CCDC85C: variants seen among roughly 807,000 people sequenced by gnomAD.
The protein encoded by CCDC85C is coiled-coil domain-containing protein 85C.
CCDC85C carries 18 observed loss-of-function variants against 38.3 expected under a neutral mutation model. The observed-to-expected ratio is 0.47, with a 90% CI of 0.33 to 0.70. The LOEUF (loss-of-function observed/expected upper bound fraction) is 0.70. Among genes scored for constraint, CCDC85C ranks in the 30% least tolerant of loss-of-function variants. The pLI, the probability that CCDC85C is intolerant of heterozygous loss-of-function variation, is 0.03. For missense variants in CCDC85C, 566 were observed against 621.2 expected (o/e 0.91, Z 0.94); for synonymous variants, 264 against 293.8 (o/e 0.90, Z 1.04).
At chr14:99,575,918 A>G (rs1898465699) in intron 1 of CCDC85C, among the ~76,000 whole-genome samples, 1 of 152,196 alleles carries the variant, frequency 6.6e-6, no homozygotes, top group South Asian at 2.1e-4. Flanking sequence ...GGTAGACATC[A>G]GGAATCCAAA....
intron 1 of CCDC85C, among the ~76,000 whole-genome samples, chr14:99,592,529 C>T (rs1323083189): frequency 1.3e-5 from 2 of 152,090 alleles, no homozygotes; most frequent in Non-Finnish European, 2.9e-5. Flanking sequence ...GTGACCAGCA[C>T]ACCACCCCAT....
chr14:99,596,141 T>C (rs759146182), intron 1 of CCDC85C, among the ~76,000 whole-genome samples: 1 of 152,212 alleles, frequency 6.6e-6, no homozygotes, highest in African/African-American at 2.4e-5. Context: ...CTCAGGGGTT[T>C]CCGGCTCTCC....
intron 1 of CCDC85C, among the ~76,000 whole-genome samples, chr14:99,553,229 A>G (rs12372863): frequency 0.15 from 22,401 of 152,256 alleles, 2,060 homozygotes; most frequent in Non-Finnish European, 0.22. Flanking sequence ...CAGAACACCC[A>G]GGCCAGAGCC....
rs900332613 is a variant in CCDC85C at position 99,511,524 on chromosome 14, T to C, written c.*3722A>G. 2 of 152,596 alleles carry C rather than the reference T, an allele frequency of 1.3e-5. No homozygotes were observed. Among genetic ancestry groups the C allele is most frequent in the African/African-American group, 4.8e-5 (2 of 41,470 alleles). 9.5% of individuals were successfully genotyped at this position (152,596 alleles called of 1,614,324 possible). Reference sequence around the variant, plus strand: ...AAGCAGTTCTGAAACTATCCCTTTCTTTGTTATGGGTGGAAGGTGGGGCTC... The same window carrying C: ...AAGCAGTTCTGAAACTATCCCTTTCCTTGTTATGGGTGGAAGGTGGGGCTC... On this transcript the variant is annotated 3_prime_UTR_variant, in exon 6 of 6. Transcript: ENST00000380243.
At chr14:99,589,276 A>G (rs1241159363) in intron 1 of CCDC85C, among the ~76,000 whole-genome samples, 1 of 152,126 alleles carries the variant, frequency 6.6e-6, no homozygotes, top group Non-Finnish European at 1.5e-5. Context: ...CAGATCCGCC[A>G]GACAACAGAC....
intron 1 of CCDC85C, among the ~76,000 whole-genome samples, chr14:99,540,996 G>C (rs1897701939): frequency 6.6e-6 from 1 of 152,284 alleles, no homozygotes; most frequent in Admixed American, 6.5e-5. Flanking sequence ...CCCCCTCCTG[G>C]CCTGGTTTTC....
intron 1 of CCDC85C, among the ~76,000 whole-genome samples, chr14:99,594,686 C>G (rs2055124358): frequency 6.6e-6 from 1 of 152,138 alleles, no homozygotes; most frequent in Non-Finnish European, 1.5e-5. Flanking sequence ...AGATGAGGGT[C>G]CCTGGGACTC....
intron 1 of CCDC85C, among the ~76,000 whole-genome samples, chr14:99,549,642 T>C: frequency 6.6e-6 from 1 of 152,148 alleles, no homozygotes; most frequent in East Asian, 1.9e-4. Context: ...CGAGACACTG[T>C]CCCCGAAATT....
At chr14:99,517,424 G>A (rs371308147) in intron 3 of CCDC85C, among the ~76,000 whole-genome samples, 1 of 152,164 alleles carries the variant, frequency 6.6e-6, no homozygotes, top group Non-Finnish European at 1.5e-5. Flanking sequence ...AGAGGCAAGA[G>A]GGGCAGTCCA....
At chr14:99,553,956 C>A (rs533547273) in intron 1 of CCDC85C, among the ~76,000 whole-genome samples, 2 of 152,288 alleles carry the variant, frequency 1.3e-5, no homozygotes, top group South Asian at 4.2e-4. Flanking sequence ...CTCTCCCATC[C>A]CAGGAAGCCA....
chr14:99,578,979 T>C (rs916517877), intron 1 of CCDC85C, among the ~76,000 whole-genome samples: 5 of 151,968 alleles, frequency 3.3e-5, no homozygotes, highest in Admixed American at 3.3e-4. Flanking sequence ...TGGAGGAGGG[T>C]GCTCTCTTAC....
intron 2 of CCDC85C, among the ~76,000 whole-genome samples, chr14:99,531,114 G>C (rs779881133): frequency 6.6e-6 from 1 of 152,148 alleles, no homozygotes; most frequent in African/African-American, 2.4e-5. Context: ...CCTTTGGTAC[G>C]TGGCAGGCCA....
At chr14:99,546,062 G>C (rs544430667) in intron 1 of CCDC85C, among the ~76,000 whole-genome samples, 8 of 152,172 alleles carry the variant, frequency 5.3e-5, no homozygotes, top group South Asian at 4.1e-4. Context: ...CTGCATGGGG[G>C]GGGGGAATAA....
chr14:99,569,930 C>T lies in CCDC85C; in HGVS notation c.793+33237G>A, dbSNP rs1898301701. Among the ~76,000 whole-genome samples the T allele has an allele frequency of 6.6e-6, 1 of 151,902 alleles. No individual in the cohort carries two copies. The highest frequency in any genetic ancestry group is 1.5e-5 in the Non-Finnish European group (1 of 67,962). On this transcript the variant is annotated intron_variant, in intron 1 of 5. Coordinates refer to ENST00000380243, the MANE Select transcript of CCDC85C (RefSeq NM_001144995.2). The surrounding 1 kb of genome is among the most constrained non-coding windows in gnomAD (Gnocchi z 4.3). ...TGAGCTATGATAGTGTCACTGCACTCCAGCCTGGGTGACACAGCAACACAC... is the reference window on the plus strand; with the variant it reads ...TGAGCTATGATAGTGTCACTGCACTTCAGCCTGGGTGACACAGCAACACAC...
intron 1 of CCDC85C, among the ~76,000 whole-genome samples, chr14:99,554,756 C>T (rs1897978901): frequency 6.6e-6 from 1 of 152,196 alleles, no homozygotes; most frequent in Non-Finnish European, 1.5e-5. Flanking sequence ...CCTTGAAGCT[C>T]ATCATCATAA....
Position 99,603,939 on chromosome 14 carries a change from C to T in CCDC85C, c.21G>A (p.Thr7=), listed in dbSNP as rs1220743109. The part of the protein sequence containing the change: MAKPAA[T]AAAASEELSQ... ...TCAGCTCCTCCGACGCCGCCGCCGCCGTCGCCGCGGGCTTAGCCATGGCGG... is the reference window on the plus strand; with the variant it reads ...TCAGCTCCTCCGACGCCGCCGCCGCTGTCGCCGCGGGCTTAGCCATGGCGG... The change falls in exon 1 of 6, where the codon ACG becomes ACA. Residue 7 remains threonine, a synonymous_variant. Coordinates refer to ENST00000380243, the MANE Select transcript of CCDC85C (RefSeq NM_001144995.2). The surrounding 1 kb of genome is among the most constrained non-coding windows in gnomAD (Gnocchi z 7.5). The T allele has an allele frequency of 2.1e-6, 3 of 1,409,100 alleles. No homozygotes were observed. The highest frequency in any genetic ancestry group is 2.9e-5 in the Admixed American group (1 of 34,182). 87.3% of individuals were successfully genotyped at this position (1,409,100 alleles called of 1,614,324 possible). A position where few individuals can be genotyped will look rare whatever the true frequency, so the allele number is the denominator to read the frequency against.
rs11847063 is a variant in CCDC85C, at chr14:99,589,146, G to A, written c.793+14021C>T. On this transcript the variant is annotated intron_variant, in intron 1 of 5. Transcript: ENST00000380243. ...CAGGCAGGGGTGAGCACAGAGCCAC[G>A]GCCCAGATCAACAGAGTGAGCCCTG... 3.7e-3 allele frequency among the ~76,000 whole-genome samples: 562 copies of A among 151,842 alleles called. 1 individual carries two copies. Among genetic ancestry groups the A allele is most frequent in the Middle Eastern group, 6.8e-3 (2 of 292 alleles).
chr14:99,515,227 C>G lies in CCDC85C; in HGVS notation c.*19G>C. Reference sequence around the variant, plus strand: ...GGGGACCCCCAGCAGGGCCAGTCCACGTCCACAGAAGAGTGGCCCTACAAA... The same window carrying G: ...GGGGACCCCCAGCAGGGCCAGTCCAGGTCCACAGAAGAGTGGCCCTACAAA... On this transcript the variant is annotated 3_prime_UTR_variant, in exon 6 of 6. Transcript: ENST00000380243. 1 of 1,541,714 alleles carries G rather than the reference C, an allele frequency of 6.5e-7. No individual in the cohort carries two copies. The highest frequency in any genetic ancestry group is 8.8e-7 in the Non-Finnish European group (1 of 1,139,596).
In CCDC85C at chr14:99,572,398, G is replaced by A. The variant is rs1019749028; in HGVS notation, c.793+30769C>T. On this transcript the variant is annotated intron_variant, in intron 1 of 5. Coordinates refer to ENST00000380243, the MANE Select transcript of CCDC85C (RefSeq NM_001144995.2). The surrounding 1 kb of genome is among the most constrained non-coding windows in gnomAD (Gnocchi z 4.4). ...GCGCTGCGGGCTAGTGTCTCAGCCT[G>A]CAATCCCGGCTCCCACCCCCACCCC... 6.6e-6 allele frequency among the ~76,000 whole-genome samples: 1 copy of A among 152,200 alleles called. No individual in the cohort carries two copies. The highest frequency in any genetic ancestry group is 1.5e-5 in the Non-Finnish European group (1 of 68,024).
Sources: gnomAD v4.1 joint callset for allele counts (sites outside exome capture counted in the v4.1 genomes callset) on GRCh38, gnomAD v4.1.1 for gene constraint, Gnocchi (gnomAD v3.1) non-coding constraint, MANE v1.5 for transcripts, NCBI Gene and HGNC (gene_info 2026-07-23, HGNC 2026-07-21) for gene names.